Variants in TPTE observed in about 807,000 individuals in gnomAD.
TPTE encodes transmembrane phosphatase with tensin homology, also known as putative tyrosine-protein phosphatase TPTE.
A neutral mutation model predicts 84.1 loss-of-function variants in TPTE; 59 were observed. The ratio of observed to expected loss-of-function variants is 0.70; its 90% CI spans 0.57 to 0.87. TPTE has a LOEUF of 0.87. TPTE is among the 40% of genes least tolerant of loss of function. TPTE has a pLI of 0.00. For missense variants in TPTE, 382 were observed against 659.6 expected, an observed-to-expected ratio of 0.58 and a Z score of 4.61; for synonymous variants, 130 against 223.5, an observed-to-expected ratio of 0.58 and a Z score of 3.73.
intron 17 of TPTE, among the ~76,000 whole-genome samples, chr21:10,582,727 ATTATGTTTTTTG>A (rs1388301528): frequency 6.6e-6 from 1 of 152,244 alleles, no homozygotes; most frequent in Admixed American, 6.5e-5. Context: ...ATTGTGATGA[ATTATGTTTTTTG>A]TTTTTTTGTT....
chr21:10,533,244 A>C (rs1366938166), intron 3 of TPTE, among the ~76,000 whole-genome samples: 1 of 152,306 alleles, frequency 6.6e-6, no homozygotes, highest in Admixed American at 6.5e-5. Flanking sequence ...ATCCCTCAAC[A>C]ATTTATATTT....
chr21:10,554,454 C>T (rs1328030252), intron 8 of TPTE, among the ~76,000 whole-genome samples: 6 of 152,306 alleles, frequency 3.9e-5, no homozygotes, highest in African/African-American at 1.4e-4. Context: ...CCACACTTAA[C>T]ACTAGCCATC....
intron 10 of TPTE, among the ~76,000 whole-genome samples, chr21:10,566,665 T>C (rs1488897654): frequency 6.6e-6 from 1 of 152,308 alleles, no homozygotes; most frequent in Non-Finnish European, 1.5e-5. Context: ...AAGAGAGTAT[T>C]ATTTAGCCAT....
At chr21:10,544,351 G>T (rs142712407) in intron 7 of TPTE, among the ~76,000 whole-genome samples, 3,740 of 150,958 alleles carry the variant, frequency 0.025, 1 homozygote, top group Non-Finnish European at 0.036. Context: ...TATTTTATAG[G>T]ACGTTGGAGG....
At chr21:10,579,261 C>T (rs1401301035) in intron 17 of TPTE, among the ~76,000 whole-genome samples, 1 of 152,252 alleles carries the variant, frequency 6.6e-6, no homozygotes, top group Non-Finnish European at 1.5e-5. Flanking sequence ...GTGGCTCACA[C>T]CTGTAATCCC....
chr21:10,554,274 T>C (rs1250084552), intron 8 of TPTE, among the ~76,000 whole-genome samples: 10 of 152,416 alleles, frequency 6.6e-5, no homozygotes, highest in African/African-American at 2.4e-4. Context: ...TTACAAGTTT[T>C]TAACTTACAA....
chr21:10,591,778 C>G (rs1399709494), intron 18 of TPTE, among the ~76,000 whole-genome samples: 1 of 152,426 alleles, frequency 6.6e-6, no homozygotes, highest in African/African-American at 2.4e-5. Flanking sequence ...CAGATGCTTT[C>G]TAAGGTGTTT....
chr21:10,603,715 TG>T (rs1243430168), intron 23 of TPTE, 83 bp downstream of exon 23: 1 of 1,517,076 alleles, frequency 6.6e-7, no homozygotes, highest in African/African-American at 1.4e-5. Context: ...TTTTGCTGGT[TG>T]TCATAAACTT....
intron 3 of TPTE, among the ~76,000 whole-genome samples, chr21:10,534,914 A>G (rs2074241305): frequency 2.0e-5 from 3 of 152,428 alleles, no homozygotes; most frequent in East Asian, 1.9e-4. Context: ...AGGTTAGGCT[A>G]TATTAGTTTC....
intron 5 of TPTE, 133 bp downstream of exon 5, chr21:10,541,298 C>T (rs2074365696): frequency 8.0e-7 from 1 of 1,252,178 alleles, no homozygotes; most frequent in Non-Finnish European, 1.1e-6. Context: ...ATCGTGAAAC[C>T]CTGTCTCTAC....
intron 22 of TPTE, 79 bp from the exon 23 acceptor site, chr21:10,603,483 T>G (rs1448964106): frequency 7.3e-7 from 1 of 1,368,886 alleles, no homozygotes; most frequent in African/African-American, 1.5e-5. Flanking sequence ...TAAAAAAGAA[T>G]AAAGAAAGGA....
chr21:10,540,186 A>G lies in TPTE; in HGVS notation c.12-926A>G, dbSNP rs1458492301. On this transcript the variant is annotated intron_variant, in intron 4 of 23. Transcript: ENST00000618007. The stretch of plus-strand genomic sequence containing the variant: ...GAGAGTACCTTCTAGTAGGCTGGCC[A>G]ATGCACCATGTGATACCAAGGAATA... Among the ~76,000 whole-genome samples the G allele has an allele frequency of 3.3e-5, 5 of 152,428 alleles. No individual in the cohort carries two copies. The South Asian group carries it at 6.2e-4, about 19-fold the overall frequency.
At chr21:10,547,521 C>T (rs1438774418) in intron 7 of TPTE, among the ~76,000 whole-genome samples, 1 of 152,312 alleles carries the variant, frequency 6.6e-6, no homozygotes, top group Non-Finnish European at 1.5e-5. Context: ...AGCCCTCAGG[C>T]CAGTTTGGAG....
At position 10,548,000 on chromosome 21, in the gene TPTE, A is replaced by G. The variant is rs375141536; in HGVS notation, c.173+4618A>G. ...TATGAGCCCATGCTCAGGACCTGAG[A>G]AACAGCCTTGCGGGCCCCATCAACC... On this transcript the variant is annotated intron_variant, in intron 7 of 23. Transcript: ENST00000618007. 1.8e-4 allele frequency among the ~76,000 whole-genome samples: 27 copies of G among 152,420 alleles called. No individual in the cohort carries two copies. In the East Asian group the frequency reaches 2.9e-3, roughly 16 times the overall value.
intron 22 of TPTE, chr21:10,602,900 CG>C (rs1978747112): frequency 1.9e-6 from 1 of 516,886 alleles, no homozygotes; most frequent in African/African-American, 1.9e-5. Flanking sequence ...AGGTTTCCTG[CG>C]GGGAGGTCTA....
chr21:10,558,603 TC>T (rs1362861810), intron 8 of TPTE, among the ~76,000 whole-genome samples: 1 of 152,308 alleles, frequency 6.6e-6, no homozygotes, highest in African/African-American at 2.4e-5. Flanking sequence ...CCAGTTCTGC[TC>T]AGTATCTGCC....
intron 8 of TPTE, among the ~76,000 whole-genome samples, chr21:10,557,939 A>T (rs1178677665): frequency 6.6e-6 from 1 of 152,302 alleles, no homozygotes; most frequent in Non-Finnish European, 1.5e-5. Flanking sequence ...CCCAGTGTCT[A>T]TTTCCTTCTT....
At position 10,561,239 on chromosome 21, in the gene TPTE, T is replaced by C. The variant is rs774209820; in HGVS notation, c.446+48T>C. On this transcript the variant is annotated intron_variant, in intron 10 of 23. Coordinates refer to ENST00000618007, the MANE Select transcript of TPTE (RefSeq NM_199261.4). ...TGCATTAAGCTACTTTGTAGTTTTA[T>C]AAGAAGCACTTTCGGAGGCTGAGGT... 4 of 1,604,602 alleles carry C rather than the reference T, an allele frequency of 2.5e-6. No individual in the cohort carries two copies. The Admixed American group carries it at 5.1e-5, about 20-fold the overall frequency.
intron 7 of TPTE, among the ~76,000 whole-genome samples, chr21:10,548,909 C>A (rs2074521658): frequency 6.6e-6 from 1 of 152,308 alleles, no homozygotes; most frequent in Non-Finnish European, 1.5e-5. Context: ...CCTGGTTGAG[C>A]AACTGCATCC....
Sources: gnomAD v4.1 joint callset for allele counts (sites outside exome capture counted in the v4.1 genomes callset) on GRCh38, gnomAD v4.1.1 for gene constraint, MANE v1.5 for transcripts, NCBI Gene and HGNC (gene_info 2026-07-23, HGNC 2026-07-21) for gene names.